Variants in GPC5 observed in about 807,000 individuals in gnomAD.
The protein encoded by GPC5 is glypican-5.
GPC5 carries 47 observed loss-of-function variants against 53.9 expected under a neutral mutation model. The observed-to-expected ratio is 0.87, with a 90% CI of 0.69 to 1.11. The LOEUF (loss-of-function observed/expected upper bound fraction) is 1.11, where lower values mean the gene tolerates loss of function less well. GPC5 is among the 50% of genes most tolerant of loss of function. The pLI is 0.00. For missense variants in GPC5, 748 were observed against 713.1 expected, an observed-to-expected ratio of 1.05 and a Z score of -0.56; for synonymous variants, 286 against 263.3, an observed-to-expected ratio of 1.09 and a Z score of -0.84.
chr13:91,448,994 C>G (rs114001881), intron 2 of GPC5, 72 bp downstream of exon 2: 2 of 1,482,786 alleles, frequency 1.3e-6, no homozygotes, highest in African/African-American at 1.4e-5. Context: ...GTTACGTTGG[C>G]AAACTTGGCT....
At chr13:91,976,931 C>G (rs9556135) in intron 6 of GPC5, among the ~76,000 whole-genome samples, 61,605 of 151,526 alleles carry the variant, frequency 0.41, 14,546 homozygotes, top group East Asian at 0.75. Context: ...CCCAGATGCT[C>G]GGGAAGCTGA....
At chr13:92,472,994 G>A (rs1878969751) in intron 7 of GPC5, among the ~76,000 whole-genome samples, 1 of 152,018 alleles carries the variant, frequency 6.6e-6, no homozygotes, top group Non-Finnish European at 1.5e-5. Context: ...TGAAAAAACT[G>A]ATCTAAAACA....
At chr13:91,905,186 C>T (rs1293192152) in intron 5 of GPC5, among the ~76,000 whole-genome samples, 4 of 151,954 alleles carry the variant, frequency 2.6e-5, no homozygotes. Flanking sequence ...AAATATTCAA[C>T]ACATTAATAA....
At chr13:91,576,381 T>C (rs1239600740) in intron 2 of GPC5, among the ~76,000 whole-genome samples, 2 of 151,876 alleles carry the variant, frequency 1.3e-5, no homozygotes, top group African/African-American at 2.4e-5. Flanking sequence ...TTTTACTTAG[T>C]AGTTAGAAAT....
At chr13:92,259,912 G>A (rs2139139899) in intron 7 of GPC5, among the ~76,000 whole-genome samples, 2 of 152,248 alleles carry the variant, frequency 1.3e-5, no homozygotes, top group Admixed American at 6.5e-5. Context: ...CAGGGAAATA[G>A]TCCTGCCAGC....
chr13:92,134,049 A>G (rs2041765267), intron 6 of GPC5, among the ~76,000 whole-genome samples: 1 of 152,128 alleles, frequency 6.6e-6, no homozygotes, highest in Non-Finnish European at 1.5e-5. Context: ...TCTTGGTAGT[A>G]TGGGTTGGCT....
At chr13:91,743,165 T>G (rs2036973192) in intron 4 of GPC5, among the ~76,000 whole-genome samples, 1 of 152,150 alleles carries the variant, frequency 6.6e-6, no homozygotes, top group Admixed American at 6.6e-5. Flanking sequence ...AAGTGAATCT[T>G]CTACCCCTTT....
At chr13:92,202,678 G>A (rs2042303827) in intron 7 of GPC5, among the ~76,000 whole-genome samples, 1 of 152,114 alleles carries the variant, frequency 6.6e-6, no homozygotes, top group Non-Finnish European at 1.5e-5. Context: ...ATTTTAAAAA[G>A]TCAAGCACAA....
At chr13:91,524,547 G>T (rs374971908) in intron 2 of GPC5, among the ~76,000 whole-genome samples, 1 of 151,972 alleles carries the variant, frequency 6.6e-6, no homozygotes, top group South Asian at 2.1e-4. Flanking sequence ...AGGAGAAACG[G>T]CATTATTTAT....
At chr13:91,437,747 A>G (rs940090216) in intron 1 of GPC5, among the ~76,000 whole-genome samples, 9 of 152,338 alleles carry the variant, frequency 5.9e-5, no homozygotes, top group African/African-American at 2.2e-4. Context: ...AATATCCTGC[A>G]GAGTGTTTTC....
intron 2 of GPC5, among the ~76,000 whole-genome samples, chr13:91,519,123 G>T (rs928640614): frequency 2.0e-5 from 3 of 152,090 alleles, no homozygotes; most frequent in African/African-American, 7.2e-5. Context: ...GAAGCAATTG[G>T]CCTATTGAAA....
chr13:92,087,349 A>G (rs528389155), intron 6 of GPC5, among the ~76,000 whole-genome samples: 1 of 152,186 alleles, frequency 6.6e-6, no homozygotes, highest in Non-Finnish European at 1.5e-5. Flanking sequence ...TCAAGATTGA[A>G]TCTGATTTTC....
Position 92,334,162 on chromosome 13 carries a change from A to C in GPC5, c.1561+189173A>C, listed in dbSNP as rs532514913. 1.1e-4 allele frequency among the ~76,000 whole-genome samples: 16 copies of C among 152,288 alleles called. No homozygotes were observed. The East Asian group carries it at 3.1e-3, about 29-fold the overall frequency. On this transcript the variant is annotated intron_variant, in intron 7 of 7. Transcript: ENST00000377067. ...AGAAATACCCAAGACTGAGTAATTT[A>C]TAAGGAAAAAGAGGTTTAATGGACT... is the stretch of plus-strand genomic sequence containing the variant.
intron 6 of GPC5, among the ~76,000 whole-genome samples, chr13:91,981,925 G>A (rs2040363400): frequency 6.6e-6 from 1 of 152,204 alleles, no homozygotes; most frequent in East Asian, 1.9e-4. Flanking sequence ...AGGGAATGAT[G>A]AGAGGCTGGA....
intron 7 of GPC5, among the ~76,000 whole-genome samples, chr13:92,164,342 G>A (rs757447197): frequency 1.1e-4 from 17 of 152,270 alleles, no homozygotes; most frequent in South Asian, 2.1e-4. Flanking sequence ...TACAGTGGGG[G>A]TACAGACATT....
At chr13:92,557,374 T>C (rs187364345) in intron 7 of GPC5, among the ~76,000 whole-genome samples, 1 of 152,058 alleles carries the variant, frequency 6.6e-6, no homozygotes, top group Admixed American at 6.6e-5. Flanking sequence ...GTAAGCCTTT[T>C]TATAAGATCA....
rs117043448 is a variant in GPC5, at chr13:92,530,510, T to C, written c.1562-335772T>C. ...TTATTTTTTTTTCCATATCTGAAAG[T>C]AGAATACGTACTTCCAGCCAATTAT... On this transcript the variant is annotated intron_variant, in intron 7 of 7. Coordinates refer to ENST00000377067, the MANE Select transcript of GPC5 (RefSeq NM_004466.6). Among the ~76,000 whole-genome samples, 739 of 152,192 alleles carry C rather than the reference T, an allele frequency of 4.9e-3. 3 individuals carry two copies. Among genetic ancestry groups the C allele is most frequent in the Non-Finnish European group, 8.2e-3 (555 of 68,012 alleles).
rs1477544873 is a variant in GPC5 at position 92,040,249 on chromosome 13, G to A, written c.1402-104581G>A. Among the ~76,000 whole-genome samples, 7 of 152,246 alleles carry A rather than the reference G, an allele frequency of 4.6e-5. No individual in the cohort carries two copies. In the East Asian group the frequency reaches 7.7e-4, roughly 17 times the overall value. On this transcript the variant is annotated intron_variant, in intron 6 of 7. Coordinates refer to ENST00000377067, the MANE Select transcript of GPC5 (RefSeq NM_004466.6). ...TTTCTCCCCAGCTATGTGGGTTTTC[G>A]CCAGTCTCTGGTTTCCTCTCTCAGC...
chr13:91,615,459 A>G (rs2033670162), intron 2 of GPC5, among the ~76,000 whole-genome samples: 1 of 152,190 alleles, frequency 6.6e-6, no homozygotes, highest in Non-Finnish European at 1.5e-5. Context: ...GTTTCAAGGG[A>G]GACTAAAAAT....
Sources: allele counts gnomAD v4.1 joint callset (sites outside exome capture counted in the v4.1 genomes callset), GRCh38; gene constraint gnomAD v4.1.1; transcripts MANE v1.5; gene names NCBI Gene and HGNC (gene_info 2026-07-23, HGNC 2026-07-21).